Variants in MIA3 observed in about 807,000 individuals in gnomAD.
MIA3 encodes the protein MIA SH3 domain ER export factor 3.
Under a neutral mutation model 192.4 loss-of-function variants are expected in MIA3, and 90 were observed. That is an observed-to-expected ratio of 0.47 (90% confidence interval 0.39 to 0.56). MIA3 has a LOEUF of 0.56. Ranked by LOEUF, MIA3 falls within the 20% of genes least tolerant of loss-of-function variation. The probability of loss-of-function intolerance (pLI) is 0.00; values close to 1 mark genes in which losing one functional copy is unlikely to be tolerated. For synonymous variants in MIA3, 740 were observed against 792.8 expected (o/e 0.93, Z 1.12); for missense variants, 2,123 against 2,269.4 (o/e 0.94, Z 1.31).
intron 27 of MIA3, 98 bp downstream of exon 27, chr1:222,664,246 G>A: frequency 7.7e-7 from 1 of 1,306,606 alleles, no homozygotes; most frequent in Non-Finnish European, 1.1e-6. Context: ...GCTTTGCAAT[G>A]CAGCAGTGAA....
chr1:222,663,722 G>A (rs1239247572), intron 26 of MIA3, among the ~76,000 whole-genome samples: 1 of 152,138 alleles, frequency 6.6e-6, no homozygotes, highest in Admixed American at 6.5e-5. Flanking sequence ...TCTATCATTA[G>A]TCAGGAATGA....
chr1:222,632,654 A>G (rs1662451070), intron 5 of MIA3, among the ~76,000 whole-genome samples: 1 of 152,230 alleles, frequency 6.6e-6, no homozygotes, highest in Admixed American at 6.5e-5. Flanking sequence ...CTGGGGGTGG[A>G]ACCGGCAATC....
rs1380922024 is a variant in MIA3 at position 222,630,295 on chromosome 1, C to T, written c.3075C>T (p.Ile1025=). The part of the protein sequence containing the change: ...AAVLDDIQDL[I]YFVRYKHSTA... ...TGCTTGATGACATTCAAGACCTCAT[C>T]TATTTTGTCAGGTACAAGCACTCCA... Residue 1025 remains isoleucine (I), a synonymous_variant, in exon 4 of 28, where the codon ATC becomes ATT. Transcript: ENST00000344922. 6.2e-7 allele frequency: 1 copy of T among 1,614,186 alleles called. No individual in the cohort carries two copies. The highest frequency in any genetic ancestry group is 1.1e-5 in the South Asian group (1 of 91,074).
rs1251987254 is a variant in MIA3 at position 222,665,568 on chromosome 1, C to T, written c.5673C>T (p.Ala1891=). The stretch of plus-strand genomic sequence containing the variant: ...GCTCTAGAGATGAGCCTCCACCTGC[C>T]TCTCAGAGCACTAGCCAGGACTGTT... ...PSGSRDEPPP[A]SQSTSQDCSQ... is the part of the protein sequence containing the mutation. Residue 1891 remains alanine (A), a synonymous_variant, in exon 28 of 28, where the codon GCC becomes GCT. Coordinates refer to ENST00000344922, the MANE Select transcript of MIA3 (RefSeq NM_198551.4). The T allele has an allele frequency of 6.2e-7, 1 of 1,613,826 alleles. No homozygotes were observed. The highest frequency in any genetic ancestry group is 8.5e-7 in the Non-Finnish European group (1 of 1,179,888).
At chr1:222,642,138 A>G (rs80065637) in intron 6 of MIA3, among the ~76,000 whole-genome samples, 3,951 of 152,292 alleles carry the variant, frequency 0.026, 85 homozygotes, top group Middle Eastern at 0.048. Flanking sequence ...GGAGGGATGA[A>G]AAGGGGCAGA....
At chr1:222,627,551 C>A (rs1173931885) in intron 3 of MIA3, 24 bp from the exon 4 acceptor site, 1 of 1,535,606 alleles carries the variant, frequency 6.5e-7, no homozygotes, top group African/African-American at 1.4e-5. Context: ...TATTGACAGA[C>A]TAATGTTTTT....
chr1:222,624,015 G>A (rs900723434), intron 2 of MIA3, among the ~76,000 whole-genome samples: 24 of 152,174 alleles, frequency 1.6e-4, no homozygotes, highest in African/African-American at 4.3e-4. Flanking sequence ...GGGCAACACA[G>A]GTTTGAACTG....
intron 6 of MIA3, among the ~76,000 whole-genome samples, chr1:222,640,270 A>T (rs998063833): frequency 8.5e-5 from 13 of 152,178 alleles, no homozygotes; most frequent in Non-Finnish European, 1.6e-4. Context: ...GATCACTTGC[A>T]TTAACATAGC....
Position 222,618,150 on chromosome 1 carries a change from C to G in MIA3, c.40C>G (p.Leu14Val). 1 of 1,509,030 alleles carries G rather than the reference C, an allele frequency of 6.6e-7. No homozygotes were observed. Among genetic ancestry groups the G allele is most frequent in the Middle Eastern group, 1.9e-4 (1 of 5,328 alleles). The allele number at this position is 1,509,030 out of a possible 1,614,324, so 93.5% of individuals were successfully genotyped here. A position where few individuals can be genotyped will look rare whatever the true frequency, so the allele number is the denominator to read the frequency against. Reference protein sequence around the residue: ...APGLLVWLLVLRLPWRVPGQL... With the variant: ...APGLLVWLLVVRLPWRVPGQL... ...TGGGCTGCTCGTCTGGCTGCTCGTG[C>G]TCCGGCTGCCCTGGCGGGTGCCGGG... Residue 14 changes from leucine to valine, a missense_variant, in exon 1 of 28, where the codon CTC becomes GTC. By Grantham distance (32) the Leu-to-Val change is conservative (BLOSUM62 1). Coordinates refer to ENST00000344922, the MANE Select transcript of MIA3 (RefSeq NM_198551.4).
At position 222,664,057 on chromosome 1, in the gene MIA3, C is replaced by T. The variant is rs1331706021; in HGVS notation, c.5322C>T (p.Pro1774=). 5.0e-6 allele frequency: 8 copies of T among 1,614,112 alleles called. No individual in the cohort carries two copies. Among genetic ancestry groups the T allele is most frequent in the Middle Eastern group, 1.6e-4 (1 of 6,062 alleles). ...PFPGVPLMST[P]MGGPVPPPIR... is the part of the protein sequence containing the mutation. Reference sequence around the variant, plus strand: ...CAGGAGTCCCTCTCATGAGCACCCCCATGGGAGGCCCTGTACCACCACCCA... The same window carrying T: ...CAGGAGTCCCTCTCATGAGCACCCCTATGGGAGGCCCTGTACCACCACCCA... The change falls in exon 27 of 28, where the codon CCC becomes CCT. Residue 1774 remains proline, a synonymous_variant. Transcript: ENST00000344922.
chr1:222,647,621 A>G (rs1176557484), intron 7 of MIA3, among the ~76,000 whole-genome samples: 4 of 152,160 alleles, frequency 2.6e-5, no homozygotes, highest in Admixed American at 1.3e-4. Context: ...AACATTTTAC[A>G]TTTCCCACTC....
chr1:222,650,887 T>C lies in MIA3; in HGVS notation c.3893T>C (p.Val1298Ala). Residue 1298 changes from valine (V) to alanine (A), a missense_variant, in exon 11 of 28, where the codon GTC becomes GCC. Physicochemically the swap from Val to Ala is moderately conservative, Grantham distance 64. This residue lies in a region of MIA3 where 762 missense variants were observed against 856.4 expected (regional missense o/e 0.89). Coordinates refer to ENST00000344922, the MANE Select transcript of MIA3 (RefSeq NM_198551.4). ...CTAGAATCTGAGAGAGAACAGAATGTCAAGAATCAGGACTTGGTAAGAGTT... is the reference window on the plus strand; with the variant it reads ...CTAGAATCTGAGAGAGAACAGAATGCCAAGAATCAGGACTTGGTAAGAGTT... ...VMLESEREQN[V>A]KNQDLISENK... is the part of the protein sequence containing the mutation. The C allele has an allele frequency of 1.2e-6, 2 of 1,600,326 alleles. No homozygotes were observed. The highest frequency in any genetic ancestry group is 4.5e-5 in the East Asian group (2 of 44,736).
chr1:222,658,935 CA>C (rs1663870024), intron 19 of MIA3, 112 bp downstream of exon 19: 4 of 642,702 alleles, frequency 6.2e-6, no homozygotes, highest in Non-Finnish European at 8.0e-6. Context: ...CATCAATTCA[CA>C]CAAAAGAAAA....
At chr1:222,645,844 A>C in intron 7 of MIA3, 159 bp downstream of exon 7, 2 of 630,282 alleles carry the variant, frequency 3.2e-6, no homozygotes, top group Non-Finnish European at 5.1e-6. Flanking sequence ...GTGTTGGTAA[A>C]TTCTTAAGTG....
At chr1:222,622,181 C>T (rs1661901405) in intron 2 of MIA3, among the ~76,000 whole-genome samples, 2 of 152,074 alleles carry the variant, frequency 1.3e-5, no homozygotes, top group African/African-American at 2.4e-5. Flanking sequence ...GAGGTTACCC[C>T]AGGGGATTGA....
At chr1:222,653,599 C>G (rs937661491) in intron 15 of MIA3, among the ~76,000 whole-genome samples, 11 of 152,144 alleles carry the variant, frequency 7.2e-5, no homozygotes, top group African/African-American at 2.7e-4. Flanking sequence ...TCTTACACCT[C>G]TAAGTATTGG....
At chr1:222,665,076 G>A (rs1167076241) in intron 27 of MIA3, 2 of 524,804 alleles carry the variant, frequency 3.8e-6, no homozygotes. Context: ...GCGTGCACCT[G>A]TAGTCCCAGC....
intron 7 of MIA3, 61 bp downstream of exon 7, chr1:222,645,746 C>T (rs1013410090): frequency 3.5e-6 from 5 of 1,429,812 alleles, no homozygotes; most frequent in Non-Finnish European, 4.8e-6. Flanking sequence ...AATCACAGTC[C>T]TTTTGTTTCT....
At chr1:222,641,588 T>C (rs543582349) in intron 6 of MIA3, 2 of 521,162 alleles carry the variant, frequency 3.8e-6, no homozygotes. Flanking sequence ...TCGGCTATCT[T>C]ATCTACATAG....
Sources: gnomAD v4.1 joint callset for allele counts (sites outside exome capture counted in the v4.1 genomes callset) on GRCh38, gnomAD v4.1.1 for gene constraint, gnomAD v4.1.1 regional missense constraint, MANE v1.5 for transcripts, NCBI Gene and HGNC (gene_info 2026-07-23, HGNC 2026-07-21) for gene names.